Variants in RTN1 observed in about 807,000 individuals in gnomAD.
RTN1 encodes the protein reticulon 1, also known as reticulon-1.
RTN1 carries 25 observed loss-of-function variants against 65.5 expected under a neutral mutation model. The ratio of observed to expected loss-of-function variants is 0.38; its 90% CI spans 0.28 to 0.53. The LOEUF (loss-of-function observed/expected upper bound fraction) is 0.53. Among genes scored for constraint, RTN1 ranks in the 20% least tolerant of loss-of-function variants. RTN1 has a pLI of 0.79. For synonymous variants in RTN1, 471 were observed against 447.6 expected (o/e 1.05, Z -0.66); for missense variants, 983 against 1,025.4 (o/e 0.96, Z 0.57).
Position 59,745,739 on chromosome 14 carries a change from T to C in RTN1, c.984A>G (p.Pro328=), listed in dbSNP as rs749602861. ...VTVSEPEDDS[P]GSITPPSSGT... ...CAGAAGATGGAGGGGTGATAGATCC[T>C]GGGCTGTCGTCTTCAGGCTCCGAGA... Residue 328 remains proline, a synonymous_variant, in exon 2 of 9, where the codon CCA becomes CCG. Coordinates refer to ENST00000267484, the MANE Select transcript of RTN1 (RefSeq NM_021136.3). 12 of 1,613,000 alleles carry C rather than the reference T, an allele frequency of 7.4e-6. No homozygotes were observed. Among genetic ancestry groups the C allele is most frequent in the African/African-American group, 1.3e-5 (1 of 74,838 alleles).
At chr14:59,742,188 A>G (rs1195314205) in intron 2 of RTN1, among the ~76,000 whole-genome samples, 1 of 152,214 alleles carries the variant, frequency 6.6e-6, no homozygotes, top group Non-Finnish European at 1.5e-5. Flanking sequence ...TAGTTTTCAA[A>G]TTTAAGTTGA....
intron 1 of RTN1, among the ~76,000 whole-genome samples, chr14:59,771,619 T>C (rs1297344736): frequency 6.6e-6 from 1 of 152,226 alleles, no homozygotes; most frequent in Non-Finnish European, 1.5e-5. Context: ...AAATACTTCA[T>C]AATAAATGCC....
intron 3 of RTN1, among the ~76,000 whole-genome samples, chr14:59,644,446 T>C (rs116394521): frequency 6.6e-6 from 1 of 152,264 alleles, no homozygotes; most frequent in African/African-American, 2.4e-5. Flanking sequence ...CATCAGGGCC[T>C]GTGGTATGAC....
chr14:59,682,077 T>C (rs1883756370), intron 3 of RTN1, among the ~76,000 whole-genome samples: 1 of 152,218 alleles, frequency 6.6e-6, no homozygotes. Context: ...CTTTTTAATG[T>C]GGCTCCTTCC....
Position 59,727,365 on chromosome 14 carries a change from G to A in RTN1, c.1319C>T (p.Pro440Leu), listed in dbSNP as rs1465015558. 6 of 1,514,208 alleles carry A rather than the reference G, an allele frequency of 4.0e-6. No homozygotes were observed. In the South Asian group the frequency reaches 5.1e-5, roughly 13 times the overall value. The allele number at this position is 1,514,208 out of a possible 1,614,324, so 93.8% of individuals were successfully genotyped here. The change falls in exon 3 of 9, where the codon CCG becomes CTG. Residue 440 changes from proline (P) to leucine (L), a missense_variant. Physicochemically the swap from Pro to Leu is moderately conservative, Grantham distance 98. Around this residue, in one of 2 missense-constraint regions of RTN1, gnomAD observed 818 missense variants for 801.8 expected, o/e 1.02. Coordinates refer to ENST00000267484, the MANE Select transcript of RTN1 (RefSeq NM_021136.3). This position sits in a 1 kb window ranked among gnomAD's most constrained non-coding sequence, Gnocchi z 4.2. ...GGATGGCGAGGCGGGCGAGGGCGGC[G>A]GGCCGCCCACGTGGCCAAAGCTCAC... ...GYVSFGHVGG[P>L]PPSPASPSIQ... is the part of the protein sequence containing the mutation.
chr14:59,870,631 G>T lies in RTN1; in HGVS notation c.-1C>A, dbSNP rs1284912993. 7.2e-7 allele frequency: 1 copy of T among 1,393,742 alleles called. No homozygotes were observed. Among genetic ancestry groups the T allele is most frequent in the South Asian group, 1.6e-5 (1 of 62,732 alleles). 86.3% of individuals were successfully genotyped at this position (1,393,742 alleles called of 1,614,324 possible). The stretch of plus-strand genomic sequence containing the variant: ...CCTGCGGATCCCCCGGCGCGGCCAT[G>T]GCTGGCGGTCCCCCGGCGCGGCGAC... On this transcript the variant is annotated 5_prime_UTR_variant, in exon 1 of 9. Transcript: ENST00000267484. The surrounding 1 kb of genome is among the most constrained non-coding windows in gnomAD (Gnocchi z 5.1).
At chr14:59,817,159 G>A (rs531387239) in intron 1 of RTN1, among the ~76,000 whole-genome samples, 47 of 152,168 alleles carry the variant, frequency 3.1e-4, no homozygotes, top group African/African-American at 9.4e-4. Flanking sequence ...CTGGGGTTAC[G>A]AGCGTGATGG....
rs576259639 is a variant in RTN1 at position 59,724,998 on chromosome 14, C to T, written c.1765+1921G>A. 6.1e-4 allele frequency among the ~76,000 whole-genome samples: 93 copies of T among 152,252 alleles called. 1 individual carries two copies. The highest frequency in any genetic ancestry group is 2.2e-4 in the Non-Finnish European group (15 of 68,018). On this transcript the variant is annotated intron_variant, in intron 3 of 8. Coordinates refer to ENST00000267484, the MANE Select transcript of RTN1 (RefSeq NM_021136.3). ...AGAGTGGAGATTATTCACCTTGGCA[C>T]GCCCTCATCTTTTGAAAAGACTGCC...
At chr14:59,694,735 T>C (rs1031886102) in intron 3 of RTN1, among the ~76,000 whole-genome samples, 3 of 152,232 alleles carry the variant, frequency 2.0e-5, no homozygotes, top group African/African-American at 7.2e-5. Flanking sequence ...ATCCTTAGGA[T>C]GTGGAAATAA....
At chr14:59,760,151 T>C (rs188491807) in intron 1 of RTN1, among the ~76,000 whole-genome samples, 178 of 152,356 alleles carry the variant, frequency 1.2e-3, no homozygotes, top group African/African-American at 4.2e-3. Flanking sequence ...TAGAATACTA[T>C]GTAGCTGTAC....
chr14:59,836,081 C>T lies in RTN1; in HGVS notation c.241+34309G>A, dbSNP rs1374234729. ...CACATCTCCTCTCACTCTGACTCTG[C>T]TTCTTCCCTCTTAGAAGGACCCTCG... On this transcript the variant is annotated intron_variant, in intron 1 of 8. Coordinates refer to ENST00000267484, the MANE Select transcript of RTN1 (RefSeq NM_021136.3). This position sits in a 1 kb window ranked among gnomAD's most constrained non-coding sequence, Gnocchi z 4.9. 1.3e-5 allele frequency among the ~76,000 whole-genome samples: 2 copies of T among 152,210 alleles called. No homozygotes were observed. The highest frequency in any genetic ancestry group is 4.8e-5 in the African/African-American group (2 of 41,446).
chr14:59,818,533 T>C (rs1311158677), intron 1 of RTN1, among the ~76,000 whole-genome samples: 1 of 152,252 alleles, frequency 6.6e-6, no homozygotes, highest in East Asian at 1.9e-4. Context: ...ATTTAATAAA[T>C]ATTTTTATTC....
chr14:59,650,936 T>G (rs1011173385), intron 3 of RTN1, among the ~76,000 whole-genome samples: 5 of 151,762 alleles, frequency 3.3e-5, no homozygotes, highest in African/African-American at 2.4e-5. Context: ...ACTTTGGGAC[T>G]GAGTTGGATG....
intron 3 of RTN1, among the ~76,000 whole-genome samples, chr14:59,724,827 T>G (rs1291410184): frequency 6.6e-6 from 1 of 152,098 alleles, no homozygotes; most frequent in Non-Finnish European, 1.5e-5. Context: ...GAGCTCAAAT[T>G]GCCTGCTGGC....
In RTN1 at chr14:59,678,376, C is replaced by T. The variant is rs569533676; in HGVS notation, c.1765+48543G>A. On this transcript the variant is annotated intron_variant, in intron 3 of 8. Coordinates refer to ENST00000267484, the MANE Select transcript of RTN1 (RefSeq NM_021136.3). ...GAGCTACAAAACTTCATTTTTCCTA[C>T]AGGCTGGAAGTGGTCTCTTTTTAAT... Among the ~76,000 whole-genome samples the T allele has an allele frequency of 3.3e-5, 5 of 152,334 alleles. No homozygotes were observed. In the East Asian group the frequency reaches 9.6e-4, roughly 29 times the overall value.
chr14:59,640,848 GCTTT>G (rs1882764746), intron 3 of RTN1, among the ~76,000 whole-genome samples: 2 of 151,736 alleles, frequency 1.3e-5, no homozygotes, highest in Non-Finnish European at 1.5e-5. Context: ...TTGTATATCT[GCTTT>G]CTATTTCATT....
intron 1 of RTN1, among the ~76,000 whole-genome samples, chr14:59,866,075 C>G (rs918247817): frequency 6.6e-6 from 1 of 152,078 alleles, no homozygotes; most frequent in Non-Finnish European, 1.5e-5. Flanking sequence ...TTATAATTCC[C>G]TTCTAGTCAA....
intron 2 of RTN1, among the ~76,000 whole-genome samples, chr14:59,740,984 T>C (rs1488016204): frequency 6.6e-6 from 1 of 152,194 alleles, no homozygotes; most frequent in Non-Finnish European, 1.5e-5. Context: ...TATGATGATA[T>C]AATTGAGAGG....
intron 1 of RTN1, among the ~76,000 whole-genome samples, chr14:59,806,638 C>T (rs906058760): frequency 1.3e-5 from 2 of 152,198 alleles, no homozygotes; most frequent in Admixed American, 6.5e-5. Flanking sequence ...TTGGGTAAGC[C>T]CCACTGTCTG....
Sources: allele counts gnomAD v4.1 joint callset (sites outside exome capture counted in the v4.1 genomes callset), GRCh38; gene constraint gnomAD v4.1.1; regional missense constraint gnomAD v4.1.1; non-coding constraint Gnocchi (gnomAD v3.1); transcripts MANE v1.5; gene names NCBI Gene and HGNC (gene_info 2026-07-23, HGNC 2026-07-21).